Variants in SLC12A6 observed in about 807,000 individuals in gnomAD.
SLC12A6 encodes the protein solute carrier family 12 member 6, also known as K-Cl cotransporter 3.
A neutral mutation model predicts 135.3 loss-of-function variants in SLC12A6; 66 were observed. The observed-to-expected ratio is 0.49, with a 90% CI of 0.40 to 0.60. The LOEUF (loss-of-function observed/expected upper bound fraction) is 0.60, where lower values mean the gene tolerates loss of function less well. Ranked by LOEUF, SLC12A6 falls within the 20% of genes least tolerant of loss-of-function variation. SLC12A6 has a pLI of 0.00. For missense variants in SLC12A6, 1,058 were observed against 1,452.3 expected (o/e 0.73, Z 4.41); for synonymous variants, 513 against 508.8 (o/e 1.01, Z -0.11).
chr15:34,302,556 G>C (rs1896326168), intron 2 of SLC12A6, among the ~76,000 whole-genome samples: 1 of 152,186 alleles, frequency 6.6e-6, no homozygotes, highest in African/African-American at 2.4e-5. Context: ...TTAGCCAGGT[G>C]TGGTGGCGGG....
At chr15:34,307,768 G>A (rs1054660502) in intron 2 of SLC12A6, among the ~76,000 whole-genome samples, 1 of 152,152 alleles carries the variant, frequency 6.6e-6, no homozygotes, top group African/African-American at 2.4e-5. Flanking sequence ...AGAGAAGAAA[G>A]TTGAGATGAA....
chr15:34,232,417 AG>A lies in SLC12A6; in HGVS notation c.*1463del, dbSNP rs1328678541. On this transcript the variant is annotated 3_prime_UTR_variant, in exon 26 of 26. Transcript: ENST00000354181. ...TAATTTTTGTATTTTTAGTATAGAC[AG>A]GTTTTCACCATGTTGGCCAGGATGG... The A allele has an allele frequency of 6.6e-6, 1 of 152,062 alleles. No homozygotes were observed. The highest frequency in any genetic ancestry group is 2.4e-5 in the African/African-American group (1 of 41,392). The allele number at this position is 152,062 out of a possible 1,614,324, so 9.4% of individuals were successfully genotyped here.
chr15:34,323,411 G>A (rs1460715714), intron 2 of SLC12A6, among the ~76,000 whole-genome samples: 2 of 152,184 alleles, frequency 1.3e-5, no homozygotes, highest in East Asian at 1.9e-4. Context: ...AAGCATTACC[G>A]CCTGAGAGCC....
Position 34,237,463 on chromosome 15 carries a change from G to A in SLC12A6, c.2890C>T (p.Leu964=). ...TCCGCCTCAATGCGTAAGTGATATA[G>A]GAAGGTGGCTAGGTCCTTCTTCATT... is the stretch of plus-strand genomic sequence containing the variant. ...IQMKKDLATF[L]YHLRIEAEVE... Residue 964 remains leucine, a synonymous_variant, in exon 22 of 26, where the codon CTA becomes TTA. Transcript: ENST00000354181. 6.2e-7 allele frequency: 1 copy of A among 1,613,102 alleles called. No individual in the cohort carries two copies. Among genetic ancestry groups the A allele is most frequent in the Non-Finnish European group, 8.5e-7 (1 of 1,179,250 alleles).
intron 8 of SLC12A6, 79 bp from the exon 9 acceptor site, chr15:34,254,668 T>C: frequency 2.6e-6 from 3 of 1,146,804 alleles, no homozygotes; most frequent in East Asian, 4.7e-5. Flanking sequence ...TTGCATTTAC[T>C]TTCACAAAAG....
chr15:34,310,118 C>G lies in SLC12A6; in HGVS notation c.271+26292G>C, dbSNP rs1011652115. On this transcript the variant is annotated intron_variant, in intron 2 of 25. Coordinates refer to ENST00000354181, the MANE Select transcript of SLC12A6 (RefSeq NM_001365088.1). The stretch of plus-strand genomic sequence containing the variant: ...CCACCTCCTGGGTTCAAGCAATCCT[C>G]CCACCTCAGCCTTCCGAGTAGCTGG... Among the ~76,000 whole-genome samples the G allele has an allele frequency of 3.9e-5, 6 of 151,972 alleles. No individual in the cohort carries two copies. The South Asian group carries it at 1.2e-3, about 32-fold the overall frequency.
chr15:34,327,240 T>C (rs1889528876), intron 2 of SLC12A6, among the ~76,000 whole-genome samples: 1 of 152,178 alleles, frequency 6.6e-6, no homozygotes, highest in Admixed American at 6.5e-5. Flanking sequence ...TCTATTCCTA[T>C]CAATTCTTAA....
chr15:34,333,520 C>T (rs998354604), intron 2 of SLC12A6, among the ~76,000 whole-genome samples: 2 of 151,944 alleles, frequency 1.3e-5, no homozygotes, highest in African/African-American at 4.8e-5. Context: ...CGTGAGCCAC[C>T]GTGCCTGGCT....
chr15:34,313,186 G>A (rs776673333), intron 2 of SLC12A6, among the ~76,000 whole-genome samples: 2 of 151,970 alleles, frequency 1.3e-5, no homozygotes, highest in Non-Finnish European at 2.9e-5. Context: ...GTTAAAAGCC[G>A]CCAGGCCAAA....
chr15:34,279,188 C>T (rs1894501997), intron 2 of SLC12A6, among the ~76,000 whole-genome samples: 1 of 151,484 alleles, frequency 6.6e-6, no homozygotes, highest in Admixed American at 6.6e-5. Context: ...GGTGATGCGC[C>T]CCTGTAATCC....
In SLC12A6 at chr15:34,234,526, C is replaced by G. The variant is rs113866390; in HGVS notation, c.3362-554G>C. On this transcript the variant is annotated intron_variant, in intron 25 of 25. Transcript: ENST00000354181. ...AGCTGGGATTACAGGCACCTGCTAC[C>G]ACACCCAGCTAACTTTTCTATTTTT... Among the ~76,000 whole-genome samples the G allele has an allele frequency of 4.5e-4, 68 of 152,204 alleles. 2 individuals are homozygous for G. The highest frequency in any genetic ancestry group is 1.5e-3 in the African/African-American group (63 of 41,518).
At chr15:34,278,600 C>G (rs574658558) in intron 2 of SLC12A6, among the ~76,000 whole-genome samples, 18 of 152,144 alleles carry the variant, frequency 1.2e-4, no homozygotes, top group African/African-American at 4.1e-4. Context: ...GAGATGGAGT[C>G]TTGCTCTGTC....
rs1892604470 is a variant in SLC12A6, at chr15:34,254,400, A to G, written c.1066T>C (p.Leu356=). ...LFLACVIVSI[L]AIYAGAIKSS... ...TTGATGGCTCCAGCATAGATGGCCA[A>G]GATGGACACAATGACACAGGCCAGG... Residue 356 remains leucine, a synonymous_variant, in exon 9 of 26, where the codon TTG becomes CTG. Transcript: ENST00000354181. 2 of 1,613,448 alleles carry G rather than the reference A, an allele frequency of 1.2e-6. No individual in the cohort carries two copies. Among genetic ancestry groups the G allele is most frequent in the Non-Finnish European group, 1.7e-6 (2 of 1,179,408 alleles).
intron 3 of SLC12A6, among the ~76,000 whole-genome samples, chr15:34,261,424 T>C (rs1425619418): frequency 6.6e-6 from 1 of 152,146 alleles, no homozygotes; most frequent in Admixed American, 6.6e-5. Flanking sequence ...AGCCTTGAAG[T>C]AGCTGGGAGT....
chr15:34,299,686 A>ATG (rs1896108708), intron 2 of SLC12A6: 2 of 152,230 alleles, frequency 1.3e-5, no homozygotes, highest in Admixed American at 1.3e-4. Flanking sequence ...GATGGAATAA[A>ATG]TGTGTTAAAG....
intron 2 of SLC12A6, chr15:34,318,762 C>T (rs1888837937): frequency 5.0e-6 from 8 of 1,598,918 alleles, no homozygotes; most frequent in Non-Finnish European, 6.8e-6. Context: ...TCCTTGCTGT[C>T]GTTTCAGACT....
chr15:34,323,422 G>A (rs949070524), intron 2 of SLC12A6, among the ~76,000 whole-genome samples: 9 of 152,170 alleles, frequency 5.9e-5, no homozygotes, highest in Non-Finnish European at 7.3e-5. Context: ...CCTGAGAGCC[G>A]CCTCCTGTCG....
intron 5 of SLC12A6, 128 bp downstream of exon 5, chr15:34,258,685 G>C: frequency 3.6e-6 from 3 of 837,104 alleles, no homozygotes; most frequent in African/African-American, 1.7e-5. Context: ...CTGGTGCCCA[G>C]AACAGTTCCA....
intron 2 of SLC12A6, among the ~76,000 whole-genome samples, chr15:34,324,664 G>C (rs557955713): frequency 1.1e-4 from 16 of 152,184 alleles, no homozygotes; most frequent in Admixed American, 9.8e-4. Context: ...ACAATTAAGG[G>C]AAAGTCAGTG....
Sources: allele counts gnomAD v4.1 joint callset (sites outside exome capture counted in the v4.1 genomes callset), GRCh38; gene constraint gnomAD v4.1.1; transcripts MANE v1.5; gene names NCBI Gene and HGNC (gene_info 2026-07-23, HGNC 2026-07-21).